Variants in PRKAR1B observed in about 807,000 individuals in gnomAD.
The protein encoded by PRKAR1B is protein kinase cAMP-dependent type I regulatory subunit beta.
PRKAR1B carries 22 observed loss-of-function variants against 46.5 expected under a neutral mutation model. That is an observed-to-expected ratio of 0.47 (90% CI 0.34 to 0.68). The LOEUF (loss-of-function observed/expected upper bound fraction) is 0.68, where lower values mean the gene tolerates loss of function less well. PRKAR1B is among the 30% of genes least tolerant of loss of function. PRKAR1B has a pLI of 0.01. For synonymous variants in PRKAR1B, 259 were observed against 217.7 expected, an observed-to-expected ratio of 1.19 and a Z score of -1.67; for missense variants, 445 against 535.6, an observed-to-expected ratio of 0.83 and a Z score of 1.67.
rs142373589 is a variant in PRKAR1B at position 690,788 on chromosome 7, T to TAA, written c.178-10064_178-10063dup. 2.9e-3 allele frequency among the ~76,000 whole-genome samples: 440 copies of TAA among 150,700 alleles called. 4 individuals are homozygous for TAA. The highest frequency in any genetic ancestry group is 0.01 in the African/African-American group (423 of 41,006). The stretch of plus-strand genomic sequence containing the variant: ...CTCAGAGGCCTGATGCCTGGGGCTG[T>TAA]AAAAAAAAACAAAAAAACACAACAC... On this transcript the variant is annotated intron_variant, in intron 2 of 10. Coordinates refer to ENST00000537384, the MANE Select transcript of PRKAR1B (RefSeq NM_001164760.2).
At chr7:710,836 G>T (rs1028047965) in intron 2 of PRKAR1B, among the ~76,000 whole-genome samples, 3 of 151,952 alleles carry the variant, frequency 2.0e-5, no homozygotes, top group African/African-American at 7.3e-5. Flanking sequence ...TAGAGAGGGG[G>T]TTTCGCCATG....
chr7:571,504 A>C (rs926689279), intron 9 of PRKAR1B, among the ~76,000 whole-genome samples: 8 of 152,244 alleles, frequency 5.3e-5, no homozygotes, highest in Non-Finnish European at 1.0e-4. Flanking sequence ...GTTGTTTTGC[A>C]GTTGTTTCAA....
At chr7:665,380 G>A (rs528610487) in intron 4 of PRKAR1B, among the ~76,000 whole-genome samples, 5 of 152,274 alleles carry the variant, frequency 3.3e-5, no homozygotes, top group African/African-American at 7.2e-5. Flanking sequence ...CCTGCCAAAC[G>A]GCAGCCTCGG....
intron 1 of PRKAR1B, chr7:712,273 C>T (rs1411648833): frequency 6.7e-6 from 1 of 150,136 alleles, no homozygotes; most frequent in Non-Finnish European, 1.5e-5. Flanking sequence ...CCTCCCGGGA[C>T]CCCTGACCGG....
At chr7:606,305 T>C (rs918208261) in intron 5 of PRKAR1B, 66 bp from the exon 6 acceptor site, 12 of 1,517,000 alleles carry the variant, frequency 7.9e-6, no homozygotes, top group Non-Finnish European at 1.0e-5. Context: ...CAGTTTCTCT[T>C]GCAAACGACT....
At chr7:582,341 A>G (rs1197536127) in intron 8 of PRKAR1B, among the ~76,000 whole-genome samples, 1 of 152,222 alleles carries the variant, frequency 6.6e-6, no homozygotes, top group Non-Finnish European at 1.5e-5. Context: ...TGGTGTGGGG[A>G]CAGAAATGCC....
Position 661,924 on chromosome 7 carries a change from G to A in PRKAR1B, c.440+15305C>T, listed in dbSNP as rs180826575. 1.9e-3 allele frequency among the ~76,000 whole-genome samples: 124 copies of A among 64,824 alleles called. 1 individual carries two copies. Among genetic ancestry groups the A allele is most frequent in the Middle Eastern group, 0.015 (1 of 66 alleles). 42.5% of individuals were successfully genotyped at this position (64,824 alleles called of 152,430 possible). The stretch of plus-strand genomic sequence containing the variant: ...CCATGGCACAGGTCCCCACCCCAAC[G>A]GGTCCAAATACCTACTCTTCCCCTC... On this transcript the variant is annotated intron_variant, in intron 4 of 10. Coordinates refer to ENST00000537384, the MANE Select transcript of PRKAR1B (RefSeq NM_001164760.2).
At chr7:672,066 C>G (rs1321895226) in intron 4 of PRKAR1B, among the ~76,000 whole-genome samples, 1 of 152,210 alleles carries the variant, frequency 6.6e-6, no homozygotes, top group Non-Finnish European at 1.5e-5. Context: ...GTTCCCTACC[C>G]CCACTGTGTT....
chr7:691,423 G>A lies in PRKAR1B; in HGVS notation c.178-10697C>T, dbSNP rs1779418759. On this transcript the variant is annotated intron_variant, in intron 2 of 10. Transcript: ENST00000537384. ...CTGCCTGGTCAGGAGGGGTGCAGGA[G>A]GGTGGCTTTGATGGAGAGGGAGTGC... 10 of 1,151,726 alleles carry A rather than the reference G, an allele frequency of 8.7e-6. No individual in the cohort carries two copies. The South Asian group carries it at 1.3e-4, about 15-fold the overall frequency. The allele number at this position is 1,151,726 out of a possible 1,614,324, so 71.3% of individuals were successfully genotyped here.
At chr7:559,796 C>T (rs1778675083) in intron 9 of PRKAR1B, among the ~76,000 whole-genome samples, 1 of 152,176 alleles carries the variant, frequency 6.6e-6, no homozygotes, top group African/African-American at 2.4e-5. Flanking sequence ...ATATTTTAGG[C>T]TGGGCACGGT....
intron 4 of PRKAR1B, among the ~76,000 whole-genome samples, chr7:648,159 A>G (rs1412033097): frequency 2.6e-5 from 4 of 152,118 alleles, no homozygotes; most frequent in African/African-American, 9.7e-5. Context: ...AATTAAAAAA[A>G]AAAAAATCTT....
At chr7:659,716 T>A (rs1342739045) in intron 4 of PRKAR1B, among the ~76,000 whole-genome samples, 1 of 152,012 alleles carries the variant, frequency 6.6e-6, no homozygotes, top group Non-Finnish European at 1.5e-5. Flanking sequence ...GGGCTTTTGT[T>A]TTTGTTTTTG....
chr7:568,196 G>A (rs1296426246), intron 9 of PRKAR1B, among the ~76,000 whole-genome samples: 4 of 152,058 alleles, frequency 2.6e-5, no homozygotes, highest in Non-Finnish European at 2.9e-5. Context: ...CCCCCGTGCC[G>A]CTAAGCACCC....
chr7:712,797 C>G (rs1780730422), intron 1 of PRKAR1B: 1 of 150,562 alleles, frequency 6.6e-6, no homozygotes. Context: ...GGCCTGGGCA[C>G]CCCCCACTCC....
intron 7 of PRKAR1B, among the ~76,000 whole-genome samples, chr7:591,429 T>G (rs1227503391): frequency 6.6e-6 from 1 of 151,772 alleles, no homozygotes; most frequent in Non-Finnish European, 1.5e-5. Flanking sequence ...GCGCTAGAAG[T>G]GGCTTCTTAA....
intron 1 of PRKAR1B, among the ~76,000 whole-genome samples, chr7:720,902 G>A (rs1401876561): frequency 6.6e-6 from 1 of 152,156 alleles, no homozygotes; most frequent in East Asian, 1.9e-4. Context: ...TATCCACGTG[G>A]CGAACCTCTG....
intron 4 of PRKAR1B, among the ~76,000 whole-genome samples, chr7:612,124 AATGG>A (rs371388280): frequency 7.9e-5 from 11 of 140,082 alleles, no homozygotes; most frequent in African/African-American, 2.7e-4. Context: ...TGAGTAGATT[AATGG>A]ATGGATGGAT....
intron 2 of PRKAR1B, among the ~76,000 whole-genome samples, chr7:694,671 T>C (rs116708746): frequency 0.033 from 5,066 of 152,138 alleles, 319 homozygotes; most frequent in African/African-American, 0.12. Context: ...CATCACGTGT[T>C]CCCAAGATGA....
intron 4 of PRKAR1B, among the ~76,000 whole-genome samples, chr7:623,322 T>A (rs535989860): frequency 3.2e-4 from 48 of 152,198 alleles, no homozygotes; most frequent in Non-Finnish European, 5.7e-4. Context: ...TGGGTCTGGT[T>A]CCTAACCACA....
Sources: gnomAD v4.1 joint callset for allele counts (sites outside exome capture counted in the v4.1 genomes callset) on GRCh38, gnomAD v4.1.1 for gene constraint, MANE v1.5 for transcripts, NCBI Gene and HGNC (gene_info 2026-07-23, HGNC 2026-07-21) for gene names.